The following RUFY1 variants were observed in gnomAD, a reference collection of about 807,000 sequenced individuals.
The protein encoded by RUFY1 is RUN and FYVE domain containing 1, also known as RUN and FYVE domain-containing protein 1.
A neutral mutation model predicts 94.6 loss-of-function variants in RUFY1; 54 were observed. That is an observed-to-expected ratio of 0.57 (90% CI 0.46 to 0.72). The LOEUF (loss-of-function observed/expected upper bound fraction) is 0.72. Among genes scored for constraint, RUFY1 ranks in the 30% least tolerant of loss-of-function variants. The pLI is 0.00. For synonymous variants in RUFY1, 396 were observed against 347.3 expected (o/e 1.14, Z -1.56); for missense variants, 883 against 883.9 (o/e 1.00, Z 0.01).
chr5:179,551,199 TTC>T (rs1437131029), intron 1 of RUFY1, among the ~76,000 whole-genome samples: 1 of 152,234 alleles, frequency 6.6e-6, no homozygotes, highest in Non-Finnish European at 1.5e-5. Flanking sequence ...GCCAGCACTG[TTC>T]TGCTTTTCAG....
At chr5:179,571,221 G>C (rs1237050321) in intron 5 of RUFY1, among the ~76,000 whole-genome samples, 1 of 152,094 alleles carries the variant, frequency 6.6e-6, no homozygotes, top group East Asian at 1.9e-4. Context: ...CTATTGCTGG[G>C]CACATGGCTC....
intron 8 of RUFY1, among the ~76,000 whole-genome samples, chr5:179,589,113 T>C (rs566176384): frequency 2.0e-5 from 3 of 152,198 alleles, no homozygotes; most frequent in African/African-American, 4.8e-5. Context: ...CTTTTTTCCT[T>C]ATTAGTATTA....
Position 179,581,009 on chromosome 5 carries a change from T to G in RUFY1, c.953T>G (p.Leu318Trp). The G allele has an allele frequency of 6.2e-7, 1 of 1,601,052 alleles. No individual in the cohort carries two copies. Among genetic ancestry groups the G allele is most frequent in the Non-Finnish European group, 8.5e-7 (1 of 1,170,108 alleles). The change falls in exon 7 of 18, where the codon TTG (leucine) becomes TGG (tryptophan). Residue 318 changes from leucine to tryptophan, a missense_variant. Coordinates refer to ENST00000319449, the MANE Select transcript of RUFY1 (RefSeq NM_025158.5). ...KNYVEELNRH[L>W]SCTVGDLQTK... ...TATGTGGAAGAACTTAACCGGCACT[T>G]GAGGTAAGACTCCTTTTTTTTTCAA...
At chr5:179,600,228 C>T (rs1421533336) in intron 14 of RUFY1, 1 of 152,270 alleles carries the variant, frequency 6.6e-6, no homozygotes, top group African/African-American at 2.4e-5. Context: ...AGCTACGGCA[C>T]AGGGTGTGCA....
At chr5:179,569,519 A>G (rs1003870728) in intron 5 of RUFY1, 94 bp downstream of exon 5, 10 of 1,292,634 alleles carry the variant, frequency 7.7e-6, no homozygotes, top group African/African-American at 1.5e-5. Flanking sequence ...AAGAAGGGCA[A>G]ATGGCAAAGA....
chr5:179,607,344 A>G (rs1581581037), intron 16 of RUFY1: 1 of 549,916 alleles, frequency 1.8e-6, no homozygotes, highest in Non-Finnish European at 3.3e-6. Flanking sequence ...TGGAGGCCCC[A>G]GGGCAGCCTG....
chr5:179,600,198 AGCCTGTGCATGG>A (rs1766197704), intron 14 of RUFY1: 2 of 152,264 alleles, frequency 1.3e-5, no homozygotes, highest in African/African-American at 4.8e-5. Flanking sequence ...GTGCTTTGCA[AGCCTGTGCATGG>A]AAGCAGAAGC....
rs1562083083 is a variant in RUFY1 at position 179,596,546 on chromosome 5, C to G, written c.1512-16C>G. The G allele has an allele frequency of 3.7e-6, 6 of 1,613,634 alleles. No homozygotes were observed. The highest frequency in any genetic ancestry group is 1.6e-4 in the Middle Eastern group (1 of 6,084). On this transcript the variant is annotated splice_polypyrimidine_tract_variant and intron_variant, in intron 12 of 17. Transcript: ENST00000319449. ...AAGATTTGCTTCATTTGCACTCTTG[C>G]TGGTGTCGCATCCAGGTTGCAGCAC...
At chr5:179,552,858 TA>T (rs1761930143) in intron 1 of RUFY1, among the ~76,000 whole-genome samples, 1 of 152,218 alleles carries the variant, frequency 6.6e-6, no homozygotes, top group Admixed American at 6.5e-5. Context: ...ATGGAAGTGA[TA>T]GAAACAATAG....
chr5:179,602,151 C>G, intron 15 of RUFY1, 165 bp downstream of exon 15: 1 of 618,204 alleles, frequency 1.6e-6, no homozygotes, highest in Non-Finnish European at 2.9e-6. Flanking sequence ...CTCAGAGGGG[C>G]CCAGCACTGA....
Position 179,585,721 on chromosome 5 carries a change from TCTTA to T in RUFY1, c.957-72_957-69del, listed in dbSNP as rs991711037. The stretch of plus-strand genomic sequence containing the variant: ...TTCATACAGGAAATCTAGGAATCTC[TCTTA>T]CTGTTTACAGATTGAGAAAACAGTC... On this transcript the variant is annotated intron_variant, in intron 7 of 17. Transcript: ENST00000319449. 46 of 1,093,756 alleles carry T rather than the reference TCTTA, an allele frequency of 4.2e-5. No homozygotes were observed. In the African/African-American group the frequency reaches 5.9e-4, roughly 14 times the overall value. 67.8% of individuals were successfully genotyped at this position (1,093,756 alleles called of 1,614,324 possible). A position where few individuals can be genotyped will look rare whatever the true frequency, so the allele number is the denominator to read the frequency against.
chr5:179,561,138 G>A (rs1047388298), intron 2 of RUFY1, among the ~76,000 whole-genome samples: 10 of 152,162 alleles, frequency 6.6e-5, no homozygotes, highest in African/African-American at 2.2e-4. Context: ...TTGAACCCAG[G>A]AGGCGGAGGT....
rs900383166 is a variant in RUFY1, at chr5:179,609,539, C to T, written c.*20C>T. 5.7e-6 allele frequency: 9 copies of T among 1,583,080 alleles called. No homozygotes were observed. The highest frequency in any genetic ancestry group is 2.3e-5 in the East Asian group (1 of 43,680). On this transcript the variant is annotated 3_prime_UTR_variant, in exon 18 of 18. Coordinates refer to ENST00000319449, the MANE Select transcript of RUFY1 (RefSeq NM_025158.5). ...TCCTGAACGTCCGTCCTCAGGAGCA[C>T]AGCCTCACGGACAGTGCCAAACCCT... is the stretch of plus-strand genomic sequence containing the variant.
chr5:179,593,744 C>A, intron 11 of RUFY1, 99 bp downstream of exon 11: 1 of 1,490,854 alleles, frequency 6.7e-7, no homozygotes, highest in Non-Finnish European at 8.9e-7. Context: ...CACATAGAGC[C>A]CCTCGTATGT....
chr5:179,560,081 A>G lies in RUFY1; in HGVS notation c.367A>G (p.Ser123Gly). 5 of 1,614,064 alleles carry G rather than the reference A, an allele frequency of 3.1e-6. No homozygotes were observed. The highest frequency in any genetic ancestry group is 2.2e-5 in the South Asian group (2 of 91,064). The stretch of plus-strand genomic sequence containing the variant: ...CAACCTGATGCACATGATGAAACTC[A>G]GCATCAAGGTGTTGCTCCAGTCGGC... ...RANLMHMMKL[S>G]IKVLLQSALS... Residue 123 changes from serine to glycine, a missense_variant, in exon 2 of 18, where the codon AGC becomes GGC. Ser to Gly is a moderately conservative substitution (Grantham distance 56). Transcript: ENST00000319449.
Position 179,550,607 on chromosome 5 carries a change from G to GGCGGGA in RUFY1, c.41_46dup (p.Arg14_Glu15dup), listed in dbSNP as rs1554112831. On this transcript the variant is annotated inframe_insertion, in exon 1 of 18. Transcript: ENST00000319449. ...GAAGGCGGCTGCGCTGCTGGGCGGGGGCGGGAGCTGGAGCCGGAGCTGGAG... is the reference window on the plus strand; with the variant it reads ...GAAGGCGGCTGCGCTGCTGGGCGGGGGCGGGAGCGGGAGCTGGAGCCGGAGCTGGAG... 15 of 1,313,748 alleles carry GGCGGGA rather than the reference G, an allele frequency of 1.1e-5. No homozygotes were observed. In the South Asian group the frequency reaches 1.7e-4, roughly 15 times the overall value. 81.4% of individuals were successfully genotyped at this position (1,313,748 alleles called of 1,614,324 possible). A position where few individuals can be genotyped will look rare whatever the true frequency, so the allele number is the denominator to read the frequency against.
intron 5 of RUFY1, among the ~76,000 whole-genome samples, chr5:179,570,490 G>GGGAT (rs1419055437): frequency 6.6e-5 from 10 of 152,142 alleles, no homozygotes; most frequent in Non-Finnish European, 1.3e-4. Flanking sequence ...CAGCCCTCTT[G>GGGAT]GGATGGGCTT....
intron 14 of RUFY1, among the ~76,000 whole-genome samples, chr5:179,600,859 G>C (rs1766300622): frequency 6.6e-6 from 1 of 151,800 alleles, no homozygotes; most frequent in Admixed American, 6.6e-5. Flanking sequence ...ACCATGCCCT[G>C]CTAATTTTTG....
At position 179,598,797 on chromosome 5, in the gene RUFY1, G is replaced by A. The variant is rs1172578512; in HGVS notation, c.1737G>A (p.Leu579=). The change falls in exon 14 of 18, where the codon CTG becomes CTA. Residue 579 remains leucine (L), a synonymous_variant. Coordinates refer to ENST00000319449, the MANE Select transcript of RUFY1 (RefSeq NM_025158.5). ...CTTCCTCTCTACTCAGGATGGAGCT[G>A]CAACAAGTGGAAGGACTGAAAAAGG... ...KDTSSLLRME[L]QQVEGLKKEL... is the part of the protein sequence containing the mutation. 6.2e-7 allele frequency: 1 copy of A among 1,614,100 alleles called. No individual in the cohort carries two copies. The highest frequency in any genetic ancestry group is 1.3e-5 in the African/African-American group (1 of 74,942).
Sources: allele counts gnomAD v4.1 joint callset (sites outside exome capture counted in the v4.1 genomes callset), GRCh38; gene constraint gnomAD v4.1.1; transcripts MANE v1.5; gene names NCBI Gene and HGNC (gene_info 2026-07-23, HGNC 2026-07-21).